CAMKMT: variants seen among roughly 807,000 people sequenced by gnomAD.
CAMKMT encodes the protein calmodulin-lysine N-methyltransferase, also known as CaM KMT.
A neutral mutation model predicts 48.0 loss-of-function variants in CAMKMT; 53 were observed. The observed-to-expected ratio is 1.10, with a 90% CI of 0.89 to 1.39. The LOEUF is 1.39. Among genes scored for constraint, CAMKMT ranks in the 40% most tolerant of loss-of-function variants. The pLI, the probability that CAMKMT is intolerant of heterozygous loss-of-function variation, is 0.00. For missense variants in CAMKMT, 428 were observed against 402.7 expected (o/e 1.06, Z -0.54); for synonymous variants, 165 against 152.3 (o/e 1.08, Z -0.61).
intron 3 of CAMKMT, among the ~76,000 whole-genome samples, chr2:44,439,842 G>C (rs993406623): frequency 6.6e-6 from 1 of 151,892 alleles, no homozygotes; most frequent in African/African-American, 2.4e-5. Context: ...ATGCCGATAT[G>C]CTGGGAGGAC....
intron 3 of CAMKMT, among the ~76,000 whole-genome samples, chr2:44,450,632 A>C (rs932884892): frequency 1.3e-4 from 20 of 152,104 alleles, no homozygotes; most frequent in Admixed American, 6.6e-5. Flanking sequence ...AATTAAAGCT[A>C]ATTTCAGTTT....
chr2:44,578,540 T>C (rs1558717153), intron 3 of CAMKMT, among the ~76,000 whole-genome samples: 1 of 152,116 alleles, frequency 6.6e-6, no homozygotes, highest in East Asian at 1.9e-4. Flanking sequence ...CCTGGCTGAG[T>C]CATAAAACTG....
intron 3 of CAMKMT, among the ~76,000 whole-genome samples, chr2:44,536,057 A>C (rs528946771): frequency 2.6e-5 from 4 of 152,362 alleles, no homozygotes; most frequent in African/African-American, 4.8e-5. Flanking sequence ...TAGCATTTCT[A>C]TACACCAATA....
chr2:44,446,632 A>G (rs572149856), intron 3 of CAMKMT, among the ~76,000 whole-genome samples: 2 of 152,256 alleles, frequency 1.3e-5, no homozygotes, highest in East Asian at 3.9e-4. Context: ...AGGCCGCGCC[A>G]CTATGCCCAG....
intron 7 of CAMKMT, among the ~76,000 whole-genome samples, chr2:44,734,418 T>A (rs1158407054): frequency 6.6e-6 from 1 of 152,098 alleles, no homozygotes; most frequent in Non-Finnish European, 1.5e-5. Context: ...TCTTTTTTTT[T>A]TTATTTTTAT....
At chr2:44,627,846 C>T (rs575961471) in intron 3 of CAMKMT, among the ~76,000 whole-genome samples, 7 of 151,132 alleles carry the variant, frequency 4.6e-5, no homozygotes, top group African/African-American at 1.2e-4. Context: ...ACTACATATG[C>T]GTGCCACCAC....
chr2:44,659,285 G>T (rs951119759), intron 3 of CAMKMT, among the ~76,000 whole-genome samples: 1 of 151,942 alleles, frequency 6.6e-6, no homozygotes, highest in East Asian at 1.9e-4. Flanking sequence ...AATTAGCCAG[G>T]TTTGGTGGCT....
chr2:44,769,225 C>A (rs1680997756), intron 10 of CAMKMT, among the ~76,000 whole-genome samples: 1 of 151,994 alleles, frequency 6.6e-6, no homozygotes, highest in South Asian at 2.1e-4. Flanking sequence ...AAACTTTTCA[C>A]CTCTCATTGT....
At chr2:44,533,631 C>T (rs1479177140) in intron 3 of CAMKMT, among the ~76,000 whole-genome samples, 3 of 152,178 alleles carry the variant, frequency 2.0e-5, no homozygotes, top group African/African-American at 7.2e-5. Flanking sequence ...TTCATTACCA[C>T]TAGGCCCTAG....
chr2:44,482,303 A>C (rs1466222479), intron 3 of CAMKMT, among the ~76,000 whole-genome samples: 2 of 152,168 alleles, frequency 1.3e-5, no homozygotes, highest in Admixed American at 6.5e-5. Context: ...ACATATGACT[A>C]GTTTTGTAAG....
At chr2:44,522,715 T>G (rs532966845) in intron 3 of CAMKMT, among the ~76,000 whole-genome samples, 1 of 152,288 alleles carries the variant, frequency 6.6e-6, no homozygotes, top group Non-Finnish European at 1.5e-5. Context: ...GTCTGAAGAG[T>G]CTGGGAATGA....
chr2:44,744,244 A>G (rs1270380520), intron 8 of CAMKMT, among the ~76,000 whole-genome samples: 1 of 152,234 alleles, frequency 6.6e-6, no homozygotes, highest in Non-Finnish European at 1.5e-5. Context: ...AATTATACCT[A>G]AAACAAAAAT....
intron 7 of CAMKMT, among the ~76,000 whole-genome samples, chr2:44,739,083 T>G (rs1679521774): frequency 1.3e-5 from 2 of 152,184 alleles, no homozygotes; most frequent in Non-Finnish European, 2.9e-5. Context: ...CCCAATTGTG[T>G]AAGGGTTTTC....
chr2:44,579,466 A>T (rs553145881), intron 3 of CAMKMT, among the ~76,000 whole-genome samples: 1 of 152,336 alleles, frequency 6.6e-6, no homozygotes, highest in East Asian at 1.9e-4. Context: ...TGAGAGGCAA[A>T]GCATTTTAAT....
intron 3 of CAMKMT, among the ~76,000 whole-genome samples, chr2:44,522,251 C>T (rs1025804770): frequency 3.3e-5 from 5 of 152,096 alleles, no homozygotes; most frequent in African/African-American, 7.2e-5. Flanking sequence ...GTGATATGCT[C>T]GCCTCGGCCT....
At chr2:44,467,912 G>C (rs919641581) in intron 3 of CAMKMT, among the ~76,000 whole-genome samples, 1 of 152,142 alleles carries the variant, frequency 6.6e-6, no homozygotes, top group African/African-American at 2.4e-5. Flanking sequence ...CCAGAAGAAA[G>C]TATGGGAGAA....
chr2:44,409,808 A>T (rs1385123381), intron 3 of CAMKMT, among the ~76,000 whole-genome samples: 1 of 152,150 alleles, frequency 6.6e-6, no homozygotes, highest in Non-Finnish European at 1.5e-5. Context: ...AAGCAATATG[A>T]TGGAGATGTA....
At chr2:44,557,354 A>G (rs1372747327) in intron 3 of CAMKMT, among the ~76,000 whole-genome samples, 5 of 152,220 alleles carry the variant, frequency 3.3e-5, no homozygotes, top group South Asian at 2.1e-4. Context: ...AAACTAACAC[A>G]TGAAACAAAT....
At chr2:44,362,463 C>T (rs1444828982) in intron 1 of CAMKMT, among the ~76,000 whole-genome samples, 1 of 151,826 alleles carries the variant, frequency 6.6e-6, no homozygotes, top group East Asian at 1.9e-4. Context: ...GGTGCGCCCG[C>T]CGCTCCCCAC....
Sources: gnomAD v4.1 joint callset for allele counts (sites outside exome capture counted in the v4.1 genomes callset) on GRCh38, gnomAD v4.1.1 for gene constraint, MANE v1.5 for transcripts, NCBI Gene and HGNC (gene_info 2026-07-23, HGNC 2026-07-21) for gene names.